XPO6: variants seen among roughly 807,000 people sequenced by gnomAD.
The protein encoded by XPO6 is exportin-6.
XPO6 carries 3 observed loss-of-function variants against 130.0 expected under a neutral mutation model. The observed-to-expected ratio is 0.02, with a 90% CI of 0.01 to 0.06. XPO6 has a LOEUF of 0.06. Among genes scored for constraint, XPO6 ranks in the 10% least tolerant of loss-of-function variants. The pLI is 1.00. For synonymous variants in XPO6, 524 were observed against 548.9 expected (o/e 0.95, Z 0.63); for missense variants, 970 against 1,393.0 (o/e 0.70, Z 4.83).
chr16:28,119,327 A>C (rs1387465301), intron 14 of XPO6, among the ~76,000 whole-genome samples: 1 of 152,048 alleles, frequency 6.6e-6, no homozygotes, highest in Non-Finnish European at 1.5e-5. Context: ...CCTAGACACC[A>C]TTTTAAAAGC....
chr16:28,138,387 T>G (rs1406565285), intron 9 of XPO6, among the ~76,000 whole-genome samples: 1 of 152,142 alleles, frequency 6.6e-6, no homozygotes, highest in African/African-American at 2.4e-5. Context: ...TAAAAGGAAA[T>G]TTAGAGACTT....
chr16:28,114,488 T>C (rs968629409), intron 15 of XPO6, among the ~76,000 whole-genome samples: 2 of 152,220 alleles, frequency 1.3e-5, no homozygotes, highest in African/African-American at 4.8e-5. Context: ...GTTTACACTA[T>C]AGTCTATAAA....
At chr16:28,197,964 TAAAAAAA>T (rs370727941) in intron 1 of XPO6, among the ~76,000 whole-genome samples, 151 of 27,638 alleles carry the variant, frequency 5.5e-3, no homozygotes, top group African/African-American at 0.011. Flanking sequence ...CTAAGTTTAT[TAAAAAAA>T]AAAAAAAAAA....
chr16:28,198,667 AT>A (rs1427110048), intron 1 of XPO6, among the ~76,000 whole-genome samples: 2 of 151,890 alleles, frequency 1.3e-5, no homozygotes, highest in African/African-American at 2.4e-5. Context: ...TAATTTTAAA[AT>A]TTAAAAAAAA....
Position 28,133,925 on chromosome 16 carries a change from C to A in XPO6, c.1452G>T (p.Thr484=). ...TCTGCCGTAAGTACCGCTGCCACTCCGTCTGCTGCTGTAGGGGAAGCACAG... is the reference window on the plus strand; with the variant it reads ...TCTGCCGTAAGTACCGCTGCCACTCAGTCTGCTGCTGTAGGGGAAGCACAG... ...DDETLDDDQQ[T]EWQRYLRQSL... The change falls in exon 11 of 24, where the codon ACG becomes ACT. Residue 484 remains threonine, a synonymous_variant. Coordinates refer to ENST00000304658, the MANE Select transcript of XPO6 (RefSeq NM_015171.4). 1 of 1,614,010 alleles carries A rather than the reference C, an allele frequency of 6.2e-7. No individual in the cohort carries two copies. Among genetic ancestry groups the A allele is most frequent in the Non-Finnish European group, 8.5e-7 (1 of 1,179,988 alleles).
At chr16:28,207,076 A>T (rs2044043421) in intron 1 of XPO6, among the ~76,000 whole-genome samples, 1 of 152,072 alleles carries the variant, frequency 6.6e-6, no homozygotes, top group Non-Finnish European at 1.5e-5. Context: ...GTGAAACCCC[A>T]TCTCTACTAA....
At chr16:28,201,848 C>T (rs574815852) in intron 1 of XPO6, among the ~76,000 whole-genome samples, 1 of 152,112 alleles carries the variant, frequency 6.6e-6, no homozygotes. Flanking sequence ...AAGCGAGACT[C>T]CGTCTCAAAA....
At chr16:28,210,977 C>T (rs1596986876) in intron 1 of XPO6, among the ~76,000 whole-genome samples, 1 of 152,216 alleles carries the variant, frequency 6.6e-6, no homozygotes, top group African/African-American at 2.4e-5. Flanking sequence ...TTAATTGCTC[C>T]GTGCCTCAGT....
chr16:28,136,880 C>T (rs2042789650), intron 9 of XPO6, among the ~76,000 whole-genome samples: 1 of 152,220 alleles, frequency 6.6e-6, no homozygotes, highest in Admixed American at 6.5e-5. Context: ...GTAAGCTCTC[C>T]ACATCAATCT....
At position 28,147,179 on chromosome 16, in the gene XPO6, G is replaced by A. The variant is rs113757759; in HGVS notation, c.1225-976C>T. 5.5e-3 allele frequency among the ~76,000 whole-genome samples: 836 copies of A among 152,288 alleles called. 7 individuals carry two copies. Among genetic ancestry groups the A allele is most frequent in the African/African-American group, 0.019 (796 of 41,556 alleles). On this transcript the variant is annotated intron_variant, in intron 8 of 23. Transcript: ENST00000304658. ...CACATGGAAATCTAGACGTTTACAA[G>A]GGCATACATGGAGGTGCCCAAGAAA...
chr16:28,170,996 A>G (rs1330629801), intron 4 of XPO6, among the ~76,000 whole-genome samples: 3 of 152,214 alleles, frequency 2.0e-5, no homozygotes, highest in Non-Finnish European at 4.4e-5. Context: ...ACAATCTATA[A>G]AAGAGCAGAC....
intron 4 of XPO6, among the ~76,000 whole-genome samples, chr16:28,170,200 T>C (rs2141851841): frequency 6.6e-6 from 1 of 151,836 alleles, no homozygotes; most frequent in Admixed American, 6.6e-5. Context: ...GGTGTGGTGG[T>C]GCATGCCTAC....
At chr16:28,126,272 T>C (rs902029176) in intron 12 of XPO6, among the ~76,000 whole-genome samples, 1 of 152,158 alleles carries the variant, frequency 6.6e-6, no homozygotes, top group Admixed American at 6.5e-5. Context: ...TGACTCCAAA[T>C]CTGGTTCCTT....
At chr16:28,143,295 G>A (rs2042927716) in intron 9 of XPO6, among the ~76,000 whole-genome samples, 1 of 152,204 alleles carries the variant, frequency 6.6e-6, no homozygotes, top group Admixed American at 6.5e-5. Flanking sequence ...TCTAAAGGCA[G>A]TAACATCTTC....
intron 4 of XPO6, among the ~76,000 whole-genome samples, chr16:28,170,797 GTCTC>G (rs141476357): frequency 2.1e-3 from 327 of 152,274 alleles, no homozygotes; most frequent in African/African-American, 7.4e-3. Flanking sequence ...ACGTGTAATA[GTCTC>G]TCTACCATAA....
At chr16:28,141,338 C>G (rs969295215) in intron 9 of XPO6, among the ~76,000 whole-genome samples, 1 of 152,164 alleles carries the variant, frequency 6.6e-6, no homozygotes, top group Non-Finnish European at 1.5e-5. Flanking sequence ...AAATAAGTTT[C>G]TACACAGGTG....
chr16:28,196,088 G>A (rs557478946), intron 1 of XPO6, among the ~76,000 whole-genome samples: 1 of 152,128 alleles, frequency 6.6e-6, no homozygotes, highest in African/African-American at 2.4e-5. Flanking sequence ...TCCTGTCTTT[G>A]TCTCTATTTT....
At chr16:28,131,928 G>C (rs377692606) in intron 12 of XPO6, among the ~76,000 whole-genome samples, 7 of 152,356 alleles carry the variant, frequency 4.6e-5, no homozygotes, top group Middle Eastern at 3.4e-3. Flanking sequence ...ACAGGTGCAG[G>C]GGGCAGGGGG....
chr16:28,108,946 G>A (rs1293276434), intron 17 of XPO6, among the ~76,000 whole-genome samples: 1 of 152,228 alleles, frequency 6.6e-6, no homozygotes, highest in Non-Finnish European at 1.5e-5. Context: ...CCCAGTCACA[G>A]TGACACTGGA....
Sources: gnomAD v4.1 joint callset for allele counts (sites outside exome capture counted in the v4.1 genomes callset) on GRCh38, gnomAD v4.1.1 for gene constraint, MANE v1.5 for transcripts, NCBI Gene and HGNC (gene_info 2026-07-23, HGNC 2026-07-21) for gene names.